The following TEX14 variants were observed in gnomAD, a reference collection of about 807,000 sequenced individuals.
The protein encoded by TEX14 is inactive serine/threonine-protein kinase TEX14.
In TEX14, 168 loss-of-function variants were observed where a neutral mutation model predicts 178.6. The ratio of observed to expected loss-of-function variants is 0.94; its 90% CI spans 0.83 to 1.07. The LOEUF is 1.07. Ranked by LOEUF, TEX14 falls within the 50% of genes least tolerant of loss-of-function variation. TEX14 has a pLI of 0.00. For synonymous variants in TEX14, 626 were observed against 634.1 expected (o/e 0.99, Z 0.19); for missense variants, 1,730 against 1,753.6 (o/e 0.99, Z 0.24).
At position 58,598,913 on chromosome 17, in the gene TEX14, C is replaced by T; in HGVS notation, c.2432G>A (p.Ser811Asn). The T allele has an allele frequency of 6.2e-7, 1 of 1,613,446 alleles. No individual in the cohort carries two copies. The highest frequency in any genetic ancestry group is 8.5e-7 in the Non-Finnish European group (1 of 1,179,700). Reference protein sequence around the residue: ...QLSGGQKPDTSGNYPTLPRFP... With the variant: ...QLSGGQKPDTNGNYPTLPRFP... ...TCTTGGTAGGGTTGGGTAGTTGCCA[C>T]TGGTGTCTGGCTTCTGACCCCCTGA... Residue 811 changes from serine to asparagine, a missense_variant, in exon 14 of 32, where the codon AGT becomes AAT. Around this residue, in one of 2 missense-constraint regions of TEX14, gnomAD observed 941 missense variants for 1,072.4 expected, o/e 0.88. Coordinates refer to ENST00000349033, the MANE Select transcript of TEX14 (RefSeq NM_031272.5).
chr17:58,644,611 A>AT (rs1310716246), intron 2 of TEX14, among the ~76,000 whole-genome samples: 4 of 120,532 alleles, frequency 3.3e-5, no homozygotes, highest in Non-Finnish European at 6.7e-5. Context: ...AAGTGCTGGG[A>AT]TTATAGGTGT....
At chr17:58,610,385 A>G (rs2045715541) in intron 10 of TEX14, among the ~76,000 whole-genome samples, 1 of 152,192 alleles carries the variant, frequency 6.6e-6, no homozygotes, top group African/African-American at 2.4e-5. Flanking sequence ...GGAGGCAGTA[A>G]CATACCCATT....
intron 26 of TEX14, among the ~76,000 whole-genome samples, chr17:58,568,100 G>A (rs935216542): frequency 6.6e-6 from 1 of 152,230 alleles, no homozygotes; most frequent in Non-Finnish European, 1.5e-5. Context: ...AACCAAAGAG[G>A]AGGAATTTGC....
At chr17:58,660,675 C>T (rs2047090380) in intron 1 of TEX14, 6 of 783,266 alleles carry the variant, frequency 7.7e-6, no homozygotes, top group Middle Eastern at 2.3e-4. Context: ...TCATCCTCTT[C>T]CTCCTTTTCT....
At chr17:58,579,630 T>G (rs768763759) in intron 20 of TEX14, 35 bp downstream of exon 20, 1 of 1,555,938 alleles carries the variant, frequency 6.4e-7, no homozygotes, top group Admixed American at 1.7e-5. Flanking sequence ...TTAAGGGAAG[T>G]GATTCTCAAG....
Position 58,577,447 on chromosome 17 carries a change from T to A in TEX14, c.3248A>T (p.Lys1083Met). Residue 1083 changes from lysine to methionine, a missense_variant, in exon 21 of 32, where the codon AAG becomes ATG. Physicochemically the swap from Lys to Met is moderately conservative, Grantham distance 95. Coordinates refer to ENST00000349033, the MANE Select transcript of TEX14 (RefSeq NM_031272.5). ...TCCAAGAATTTTTCTCATTTGGAAC[T>A]TTTCCTCACCTGAAAGAATAAAGTT... ...FAQPQVSGEE[K>M]FQMRKILGKN... 1 of 1,450,254 alleles carries A rather than the reference T, an allele frequency of 6.9e-7. No homozygotes were observed. Among genetic ancestry groups the A allele is most frequent in the Non-Finnish European group, 9.3e-7 (1 of 1,075,164 alleles). 89.8% of individuals were successfully genotyped at this position (1,450,254 alleles called of 1,614,324 possible). A position where few individuals can be genotyped will look rare whatever the true frequency, so the allele number is the denominator to read the frequency against.
intron 1 of TEX14, among the ~76,000 whole-genome samples, chr17:58,658,697 A>C (rs2047020325): frequency 6.6e-6 from 1 of 151,948 alleles, no homozygotes; most frequent in African/African-American, 2.4e-5. Flanking sequence ...AATTCATCCC[A>C]CCAGAACAAA....
At chr17:58,657,180 G>A (rs540759782) in intron 1 of TEX14, among the ~76,000 whole-genome samples, 1 of 151,994 alleles carries the variant, frequency 6.6e-6, no homozygotes, top group South Asian at 2.1e-4. Flanking sequence ...ATGTTGCCCA[G>A]GCTGATCTCG....
At chr17:58,632,185 C>G (rs969871091) in intron 2 of TEX14, among the ~76,000 whole-genome samples, 1 of 152,200 alleles carries the variant, frequency 6.6e-6, no homozygotes, top group African/African-American at 2.4e-5. Context: ...TGATCGGAAG[C>G]AAGAAGGCCC....
At chr17:58,668,888 G>A (rs1239404835) in intron 1 of TEX14, among the ~76,000 whole-genome samples, 1 of 152,126 alleles carries the variant, frequency 6.6e-6, no homozygotes, top group African/African-American at 2.4e-5. Context: ...AGTTTGAGAA[G>A]CTGTAGGGTG....
Position 58,646,264 on chromosome 17 carries a change from G to T in TEX14, c.136+5602C>A, listed in dbSNP as rs181066916. On this transcript the variant is annotated intron_variant, in intron 2 of 31. Coordinates refer to ENST00000349033, the MANE Select transcript of TEX14 (RefSeq NM_031272.5). Reference sequence around the variant, plus strand: ...AAAGAAGGCAGGAAAGAGAAGAAACGAAAAACAGAGGGTAAAACACAAAAC... The same window carrying T: ...AAAGAAGGCAGGAAAGAGAAGAAACTAAAAACAGAGGGTAAAACACAAAAC... Among the ~76,000 whole-genome samples the T allele has an allele frequency of 5.7e-3, 864 of 152,238 alleles. 5 individuals are homozygous for T. Among genetic ancestry groups the T allele is most frequent in the African/African-American group, 9.1e-3 (378 of 41,544 alleles).
Position 58,617,607 on chromosome 17 carries a change from G to A in TEX14, c.567C>T (p.Gly189=), listed in dbSNP as rs935064692. Residue 189 remains glycine, a synonymous_variant, in exon 6 of 32, where the codon GGC becomes GGT. Coordinates refer to ENST00000349033, the MANE Select transcript of TEX14 (RefSeq NM_031272.5). ...CGGLVQGNPN[G]SPNRLLKAGV... ...CAGCTTTAAGCAGTCGGTTAGGAGA[G>A]CCATTAGGGTTTCTAGAAATATTTA... 2 of 1,611,520 alleles carry A rather than the reference G, an allele frequency of 1.2e-6. No homozygotes were observed. Among genetic ancestry groups the A allele is most frequent in the Middle Eastern group, 1.7e-4 (1 of 6,060 alleles).
At position 58,638,854 on chromosome 17, in the gene TEX14, C is replaced by CTT. The variant is rs1210311633; in HGVS notation, c.137-8302_137-8301dup. 6.5e-3 allele frequency among the ~76,000 whole-genome samples: 491 copies of CTT among 75,022 alleles called. 2 individuals carry two copies. Among genetic ancestry groups the CTT allele is most frequent in the African/African-American group, 7.8e-3 (131 of 16,796 alleles). 49.2% of individuals were successfully genotyped at this position (75,022 alleles called of 152,430 possible). On this transcript the variant is annotated intron_variant, in intron 2 of 31. Coordinates refer to ENST00000349033, the MANE Select transcript of TEX14 (RefSeq NM_031272.5). ...TGCGACCGGCCTGGAGACTATTATT[C>CTT]TTTTTTTTTTTTTTTTTTTTTTTTG...
At position 58,621,777 on chromosome 17, in the gene TEX14, A is replaced by T. The variant is rs758772159; in HGVS notation, c.427T>A (p.Phe143Ile). ...GKERSTQIVE[F>I]MQRCASHMQA... ...ATGTGTGAGGCACAGCGCTGCATGAACTCCACTATCTGCAAAACATCGCAG... is the reference window on the plus strand; with the variant it reads ...ATGTGTGAGGCACAGCGCTGCATGATCTCCACTATCTGCAAAACATCGCAG... Residue 143 changes from phenylalanine (F) to isoleucine (I), a missense_variant, in exon 5 of 32, where the codon TTC becomes ATC. By Grantham distance (21) the Phe-to-Ile change is conservative. Transcript: ENST00000349033. 3.1e-6 allele frequency: 5 copies of T among 1,613,038 alleles called. No individual in the cohort carries two copies. The Admixed American group carries it at 8.4e-5, about 27-fold the overall frequency.
chr17:58,561,406 G>T, intron 29 of TEX14, 114 bp downstream of exon 29: 1 of 748,298 alleles, frequency 1.3e-6, no homozygotes. Context: ...AGTCAGGGCT[G>T]GCTTATCTAA....
intron 21 of TEX14, among the ~76,000 whole-genome samples, chr17:58,574,505 G>A (rs922471545): frequency 4.0e-5 from 6 of 151,768 alleles, no homozygotes; most frequent in African/African-American, 9.7e-5. Flanking sequence ...GTGAAACCCC[G>A]TCTCTACTAA....
At chr17:58,624,517 T>C (rs2046089850) in intron 3 of TEX14, among the ~76,000 whole-genome samples, 1 of 151,754 alleles carries the variant, frequency 6.6e-6, no homozygotes, top group East Asian at 2.0e-4. Context: ...AATTTTTGTA[T>C]TTTTAGTGGA....
intron 29 of TEX14, 55 bp downstream of exon 29, chr17:58,561,465 C>G: frequency 7.9e-7 from 1 of 1,261,544 alleles, no homozygotes; most frequent in Non-Finnish European, 1.2e-6. Context: ...AAGTCTAAAA[C>G]CTAGCCCCAC....
chr17:58,585,613 T>G (rs7212819), intron 18 of TEX14, among the ~76,000 whole-genome samples, 188 bp downstream of exon 18: 22,457 of 134,884 alleles, frequency 0.17, 1,706 homozygotes, highest in Non-Finnish European at 0.19. Context: ...AGCTAATGTT[T>G]TTTTTTTTTT....
Sources: allele counts gnomAD v4.1 joint callset (sites outside exome capture counted in the v4.1 genomes callset), GRCh38; gene constraint gnomAD v4.1.1; regional missense constraint gnomAD v4.1.1; transcripts MANE v1.5; gene names NCBI Gene and HGNC (gene_info 2026-07-23, HGNC 2026-07-21).